PLPP3: variants seen among roughly 807,000 people sequenced by gnomAD.
PLPP3 encodes the protein phospholipid phosphatase 3.
PLPP3 carries 6 observed loss-of-function variants against 29.6 expected under a neutral mutation model. The ratio of observed to expected loss-of-function variants is 0.20; its 90% confidence interval spans 0.11 to 0.40. PLPP3 has a LOEUF of 0.40. Among genes scored for constraint, PLPP3 ranks in the 10% least tolerant of loss-of-function variants. The pLI, the probability that PLPP3 is intolerant of heterozygous loss-of-function variation, is 1.00. For missense variants in PLPP3, 308 were observed against 407.7 expected (o/e 0.76, Z 2.11); for synonymous variants, 152 against 159.7 (o/e 0.95, Z 0.36).
At chr1:56,501,930 A>G (rs969396492) in intron 5 of PLPP3, among the ~76,000 whole-genome samples, 9 of 152,366 alleles carry the variant, frequency 5.9e-5, no homozygotes, top group African/African-American at 2.2e-4. Flanking sequence ...TACAATTTCT[A>G]GAGCTATCTT....
rs542170494 is a variant in PLPP3 at position 56,555,623 on chromosome 1, T to G, written c.140-18511A>C. ...GTTAGCCTCTAGGTCACTGTGTCCC[T>G]GAATGGAACAATTTGTGAAACATGC... On this transcript the variant is annotated intron_variant, in intron 1 of 5. Transcript: ENST00000371250. Among the ~76,000 whole-genome samples, 18 of 152,176 alleles carry G rather than the reference T, an allele frequency of 1.2e-4. 1 individual carries two copies. The South Asian group carries it at 2.1e-3, about 18-fold the overall frequency.
At chr1:56,509,194 G>T (rs1038044335) in intron 5 of PLPP3, among the ~76,000 whole-genome samples, 3 of 152,176 alleles carry the variant, frequency 2.0e-5, no homozygotes, top group Non-Finnish European at 4.4e-5. Flanking sequence ...TGAGTAAAAG[G>T]CAGGGAAAGA....
chr1:56,517,194 C>T (rs1645786866), intron 4 of PLPP3, among the ~76,000 whole-genome samples: 1 of 152,200 alleles, frequency 6.6e-6, no homozygotes, highest in Admixed American at 6.5e-5. Flanking sequence ...CCCTGCCTAC[C>T]CTCTTCCTGG....
chr1:56,496,497 A>G lies in PLPP3; in HGVS notation c.*54T>C. On this transcript the variant is annotated 3_prime_UTR_variant, in exon 6 of 6. Transcript: ENST00000371250. ...TGTCTGATGAGATTGGAGAGCAGCA[A>G]GAACTTGCTGTCAGCAGTCATTTTA... is the stretch of plus-strand genomic sequence containing the variant. 6.3e-7 allele frequency: 1 copy of G among 1,598,538 alleles called. No homozygotes were observed.
intron 1 of PLPP3, among the ~76,000 whole-genome samples, chr1:56,574,173 CTGGG>C (rs923822395): frequency 6.6e-6 from 1 of 150,434 alleles, no homozygotes; most frequent in African/African-American, 2.5e-5. Context: ...GCACTCTAGC[CTGGG>C]TGACAGAGAA....
intron 1 of PLPP3, among the ~76,000 whole-genome samples, chr1:56,554,436 T>G (rs12141669): frequency 0.22 from 32,863 of 151,718 alleles, 3,665 homozygotes; most frequent in African/African-American, 0.28. Flanking sequence ...GCCGGGCGTG[T>G]TGGCGGGCAC....
intron 1 of PLPP3, among the ~76,000 whole-genome samples, chr1:56,570,201 T>C (rs74073744): frequency 0.012 from 1,769 of 152,306 alleles, 30 homozygotes; most frequent in African/African-American, 0.04. Context: ...TACTGATTGA[T>C]ACCACAAACT....
intron 1 of PLPP3, among the ~76,000 whole-genome samples, chr1:56,541,780 G>A (rs1019161398): frequency 1.3e-5 from 2 of 152,026 alleles, no homozygotes; most frequent in African/African-American, 4.8e-5. Context: ...AAATCTCATG[G>A]CCTCTGATGA....
Position 56,552,338 on chromosome 1 carries a change from A to G in PLPP3, c.140-15226T>C, listed in dbSNP as rs546368873. On this transcript the variant is annotated intron_variant, in intron 1 of 5. Coordinates refer to ENST00000371250, the MANE Select transcript of PLPP3 (RefSeq NM_003713.5). ...AAGGGCATGAGAATTCTGATTTTTAATAAGACTTCCAAGTGATTTTATCCC... is the reference window on the plus strand; with the variant it reads ...AAGGGCATGAGAATTCTGATTTTTAGTAAGACTTCCAAGTGATTTTATCCC... Among the ~76,000 whole-genome samples, 3 of 152,264 alleles carry G rather than the reference A, an allele frequency of 2.0e-5. No homozygotes were observed. The South Asian group carries it at 6.2e-4, about 32-fold the overall frequency.
At chr1:56,572,796 C>A (rs1424008957) in intron 1 of PLPP3, among the ~76,000 whole-genome samples, 1 of 152,114 alleles carries the variant, frequency 6.6e-6, no homozygotes, top group Non-Finnish European at 1.5e-5. Flanking sequence ...TCATTCCTAC[C>A]TGATAATGAT....
intron 1 of PLPP3, among the ~76,000 whole-genome samples, chr1:56,566,253 G>C (rs1481179463): frequency 6.6e-6 from 1 of 152,230 alleles, no homozygotes; most frequent in Non-Finnish European, 1.5e-5. Context: ...GCATGGAGTA[G>C]TGGAGAAAAG....
At chr1:56,552,564 T>C (rs1646048483) in intron 1 of PLPP3, among the ~76,000 whole-genome samples, 1 of 152,022 alleles carries the variant, frequency 6.6e-6, no homozygotes. Flanking sequence ...CTGAGATGAG[T>C]AAAACAGGGT....
chr1:56,538,451 A>C, intron 1 of PLPP3: 1 of 442,472 alleles, frequency 2.3e-6, no homozygotes, highest in Non-Finnish European at 4.5e-6. Context: ...AATTCACCAA[A>C]ATGACAAACA....
intron 1 of PLPP3, among the ~76,000 whole-genome samples, chr1:56,560,611 T>G (rs1341520890): frequency 1.3e-5 from 2 of 152,122 alleles, no homozygotes; most frequent in Admixed American, 1.3e-4. Context: ...AGGGCACTAA[T>G]CCCATTCACG....
chr1:56,546,575 A>C (rs1646008140), intron 1 of PLPP3, among the ~76,000 whole-genome samples: 1 of 152,186 alleles, frequency 6.6e-6, no homozygotes. Flanking sequence ...TTCAATTATA[A>C]ACCCAAAGAT....
chr1:56,510,942 C>T (rs951902088), intron 5 of PLPP3, among the ~76,000 whole-genome samples: 13 of 152,172 alleles, frequency 8.5e-5, no homozygotes, highest in Non-Finnish European at 1.5e-4. Context: ...CATAGTGAGA[C>T]ATAAGCCTGC....
chr1:56,503,821 C>T (rs1645684146), intron 5 of PLPP3, among the ~76,000 whole-genome samples: 1 of 152,182 alleles, frequency 6.6e-6, no homozygotes, highest in Admixed American at 6.5e-5. Context: ...TGCTCTGTCG[C>T]TCAGGCTGGA....
At chr1:56,570,508 G>A (rs1053001064) in intron 1 of PLPP3, among the ~76,000 whole-genome samples, 11 of 152,142 alleles carry the variant, frequency 7.2e-5, no homozygotes, top group Admixed American at 2.0e-4. Flanking sequence ...TCTGAAGTGC[G>A]TTGTTTTGTT....
chr1:56,547,111 T>C (rs1214841274), intron 1 of PLPP3, among the ~76,000 whole-genome samples: 1 of 152,218 alleles, frequency 6.6e-6, no homozygotes, highest in Non-Finnish European at 1.5e-5. Context: ...TAAGAGATCT[T>C]AATGTCATTT....
Sources: allele counts gnomAD v4.1 joint callset (sites outside exome capture counted in the v4.1 genomes callset), GRCh38; gene constraint gnomAD v4.1.1; transcripts MANE v1.5; gene names NCBI Gene and HGNC (gene_info 2026-07-23, HGNC 2026-07-21).